The following ANKS1B variants were observed in gnomAD, a reference collection of about 807,000 sequenced individuals.
ANKS1B encodes the protein ankyrin repeat and sterile alpha motif domain containing 1B.
Under a neutral mutation model 148.3 loss-of-function variants are expected in ANKS1B, and 36 were observed. The observed-to-expected ratio is 0.24, with a 90% confidence interval of 0.19 to 0.32. The LOEUF (loss-of-function observed/expected upper bound fraction) is 0.32, where lower values mean the gene tolerates loss of function less well. Ranked by LOEUF, ANKS1B falls within the 10% of genes least tolerant of loss-of-function variation. The pLI, the probability that ANKS1B is intolerant of heterozygous loss-of-function variation, is 1.00. For synonymous variants in ANKS1B, 542 were observed against 560.8 expected (o/e 0.97, Z 0.47); for missense variants, 1,157 against 1,542.6 (o/e 0.75, Z 4.19).
At chr12:99,372,646 C>T (rs1275937322) in intron 12 of ANKS1B, among the ~76,000 whole-genome samples, 2 of 152,028 alleles carry the variant, frequency 1.3e-5, no homozygotes, top group Non-Finnish European at 2.9e-5. Context: ...TAGCTTCTTT[C>T]CCCACTTCCT....
intron 11 of ANKS1B, among the ~76,000 whole-genome samples, chr12:99,418,578 T>C (rs2094980929): frequency 1.3e-5 from 2 of 152,190 alleles, no homozygotes; most frequent in East Asian, 1.9e-4. Context: ...AAGACAATCA[T>C]GTCATCTGCA....
At chr12:99,491,695 T>C (rs1567205125) in intron 10 of ANKS1B, among the ~76,000 whole-genome samples, 1 of 152,048 alleles carries the variant, frequency 6.6e-6, no homozygotes, top group Non-Finnish European at 1.5e-5. Context: ...CAGTATTTGG[T>C]TTTCTGTTCC....
At chr12:99,978,842 G>C (rs2095658545) in intron 1 of ANKS1B, among the ~76,000 whole-genome samples, 2 of 152,070 alleles carry the variant, frequency 1.3e-5, no homozygotes, top group South Asian at 4.1e-4. Flanking sequence ...GGGATCTTAA[G>C]AACTGTATTA....
At chr12:98,927,088 G>A (rs1439604444) in intron 17 of ANKS1B, among the ~76,000 whole-genome samples, 3 of 152,042 alleles carry the variant, frequency 2.0e-5, no homozygotes, top group Admixed American at 1.3e-4. Flanking sequence ...ACTTTCTACA[G>A]CTAAAGACAA....
Position 99,495,636 on chromosome 12 carries a change from C to T in ANKS1B, c.1438+8840G>A, listed in dbSNP as rs1019822457. ...AGAGCAAATGCCAAGTAAATAATTACTGTTTGATAAAAGTGCTTCTTATCA... is the reference window on the plus strand; with the variant it reads ...AGAGCAAATGCCAAGTAAATAATTATTGTTTGATAAAAGTGCTTCTTATCA... On this transcript the variant is annotated intron_variant, in intron 10 of 26. Transcript: ENST00000683438. Among the ~76,000 whole-genome samples, 17 of 152,114 alleles carry T rather than the reference C, an allele frequency of 1.1e-4. 1 individual carries two copies. The highest frequency in any genetic ancestry group is 6.5e-4 in the Admixed American group (10 of 15,272).
At chr12:98,861,831 G>A (rs961738338) in intron 17 of ANKS1B, among the ~76,000 whole-genome samples, 2 of 152,124 alleles carry the variant, frequency 1.3e-5, no homozygotes, top group African/African-American at 4.8e-5. Flanking sequence ...CTGAATCCTG[G>A]GGCTTCTGAG....
chr12:99,381,478 C>T (rs1350946184), intron 12 of ANKS1B, among the ~76,000 whole-genome samples: 1 of 152,016 alleles, frequency 6.6e-6, no homozygotes, highest in Non-Finnish European at 1.5e-5. Flanking sequence ...TAGGAAGAGA[C>T]CAAGGTGGAG....
At position 99,952,383 on chromosome 12, in the gene ANKS1B, T is replaced by C. The variant is rs147433576; in HGVS notation, c.134+31721A>G. ...GATTTCTTCAATGTTATCCTGAAACTTCTAAAATTTTTTATGTTAGTTCAT... is the reference window on the plus strand; with the variant it reads ...GATTTCTTCAATGTTATCCTGAAACCTCTAAAATTTTTTATGTTAGTTCAT... On this transcript the variant is annotated intron_variant, in intron 1 of 26. Transcript: ENST00000683438. 7.4e-3 allele frequency among the ~76,000 whole-genome samples: 1,129 copies of C among 152,330 alleles called. 20 individuals carry two copies. Among genetic ancestry groups the C allele is most frequent in the African/African-American group, 0.026 (1,076 of 41,576 alleles).
chr12:99,654,011 G>A (rs1328523652), intron 9 of ANKS1B, among the ~76,000 whole-genome samples: 1 of 152,064 alleles, frequency 6.6e-6, no homozygotes, highest in Non-Finnish European at 1.5e-5. Context: ...CAGATGCTGA[G>A]CATCAAAAGG....
chr12:99,594,696 G>A (rs975850436), intron 9 of ANKS1B, among the ~76,000 whole-genome samples: 10 of 152,082 alleles, frequency 6.6e-5, no homozygotes, highest in East Asian at 3.9e-4. Context: ...GAGTAGAATC[G>A]TGGTTGGTAC....
At chr12:99,015,588 C>T (rs1051290230) in intron 17 of ANKS1B, among the ~76,000 whole-genome samples, 3 of 152,106 alleles carry the variant, frequency 2.0e-5, no homozygotes, top group African/African-American at 4.8e-5. Context: ...TGGCTTTGGC[C>T]GGGAGCAGTG....
chr12:99,451,710 T>G (rs1373830710), intron 10 of ANKS1B, among the ~76,000 whole-genome samples: 2 of 152,136 alleles, frequency 1.3e-5, no homozygotes, highest in Non-Finnish European at 2.9e-5. Context: ...TCTGGTATAT[T>G]TAACTTCAGT....
chr12:98,888,491 C>T (rs1258489564), intron 17 of ANKS1B, among the ~76,000 whole-genome samples: 1 of 152,180 alleles, frequency 6.6e-6, no homozygotes, highest in South Asian at 2.1e-4. Context: ...CACACCTCTG[C>T]TTTACATTCC....
chr12:99,403,299 G>A lies in ANKS1B; in HGVS notation c.1576-3488C>T, dbSNP rs2094455779. 1.4e-5 allele frequency among the ~76,000 whole-genome samples: 2 copies of A among 141,560 alleles called. 1 individual carries two copies. The highest frequency in any genetic ancestry group is 1.4e-4 in the Admixed American group (2 of 14,200). The allele number at this position is 141,560 out of a possible 152,430, so 92.9% of individuals were successfully genotyped here. A position where few individuals can be genotyped will look rare whatever the true frequency, so the allele number is the denominator to read the frequency against. On this transcript the variant is annotated intron_variant, in intron 11 of 26. Coordinates refer to ENST00000683438, the MANE Select transcript of ANKS1B (RefSeq NM_001352186.2). Reference sequence around the variant, plus strand: ...AGGGCCTCGAGTAGCTGGGATTACAGGCAAGCATTACCATGTCTGGCTAAT... The same window carrying A: ...AGGGCCTCGAGTAGCTGGGATTACAAGCAAGCATTACCATGTCTGGCTAAT...
chr12:98,815,059 T>C (rs1026615686), intron 19 of ANKS1B, among the ~76,000 whole-genome samples: 1 of 152,196 alleles, frequency 6.6e-6, no homozygotes, highest in African/African-American at 2.4e-5. Context: ...AAAGTTTTCC[T>C]CCTAAAGGTG....
intron 24 of ANKS1B, among the ~76,000 whole-genome samples, chr12:98,777,626 T>C (rs1445535181): frequency 6.6e-6 from 1 of 152,222 alleles, no homozygotes; most frequent in East Asian, 1.9e-4. Context: ...CTAAAACACT[T>C]TAGTGCTAAA....
At chr12:98,735,771 C>A in intron 9 of ANKS1B, 1 of 503,208 alleles carries the variant, frequency 2.0e-6, no homozygotes, top group Non-Finnish European at 3.6e-6. Flanking sequence ...AAGTCTTGCT[C>A]TACTGCAGTT....
At chr12:99,288,616 A>G (rs2079473674) in intron 12 of ANKS1B, among the ~76,000 whole-genome samples, 6 of 152,108 alleles carry the variant, frequency 3.9e-5, no homozygotes, top group Admixed American at 1.3e-4. Flanking sequence ...TGATAAAGTT[A>G]AAGTGTATAG....
intron 8 of ANKS1B, among the ~76,000 whole-genome samples, chr12:99,693,503 T>G (rs1168400740): frequency 6.6e-6 from 1 of 152,220 alleles, no homozygotes; most frequent in Non-Finnish European, 1.5e-5. Context: ...GGCGGTAAGA[T>G]GGGATATATC....
Sources: allele counts gnomAD v4.1 joint callset (sites outside exome capture counted in the v4.1 genomes callset), GRCh38; gene constraint gnomAD v4.1.1; transcripts MANE v1.5; gene names NCBI Gene and HGNC (gene_info 2026-07-23, HGNC 2026-07-21).